The following SUGCT variants were observed in gnomAD, a reference collection of about 807,000 sequenced individuals.
SUGCT encodes succinyl-CoA:glutarate-CoA transferase.
Under a neutral mutation model 55.0 loss-of-function variants are expected in SUGCT, and 41 were observed. The ratio of observed to expected loss-of-function variants is 0.74; its 90% CI spans 0.58 to 0.97. SUGCT has a LOEUF of 0.97. Among genes scored for constraint, SUGCT ranks in the 50% least tolerant of loss-of-function variants. SUGCT has a pLI of 0.00. For missense variants in SUGCT, 568 were observed against 547.8 expected, an observed-to-expected ratio of 1.04 and a Z score of -0.37; for synonymous variants, 187 against 200.4, an observed-to-expected ratio of 0.93 and a Z score of 0.56.
chr7:40,378,848 A>T (rs1340796873), intron 9 of SUGCT, among the ~76,000 whole-genome samples: 1 of 152,186 alleles, frequency 6.6e-6, no homozygotes, highest in Non-Finnish European at 1.5e-5. Context: ...AGCTGATTGA[A>T]ACGCTTTTGT....
intron 8 of SUGCT, among the ~76,000 whole-genome samples, chr7:40,299,032 G>T (rs1794355765): frequency 6.6e-6 from 1 of 152,134 alleles, no homozygotes; most frequent in Non-Finnish European, 1.5e-5. Context: ...TCTAAAGATG[G>T]TATTTCAATT....
chr7:40,212,635 AG>A (rs1787408055), intron 6 of SUGCT, among the ~76,000 whole-genome samples: 1 of 152,088 alleles, frequency 6.6e-6, no homozygotes, highest in Non-Finnish European at 1.5e-5. Flanking sequence ...CCTGGGTTAA[AG>A]CGATTCTCCT....
intron 12 of SUGCT, among the ~76,000 whole-genome samples, chr7:40,564,992 A>G (rs898214374): frequency 6.6e-6 from 1 of 152,244 alleles, no homozygotes; most frequent in Non-Finnish European, 1.5e-5. Flanking sequence ...CCCAGGAAGA[A>G]TGGTAATCCA....
At chr7:40,467,346 A>G (rs191981356) in intron 11 of SUGCT, among the ~76,000 whole-genome samples, 28 of 152,162 alleles carry the variant, frequency 1.8e-4, no homozygotes, top group Middle Eastern at 3.4e-3. Flanking sequence ...ATTTATGGGT[A>G]GCATGAGATA....
chr7:40,598,800 T>C (rs1798153585), intron 12 of SUGCT, among the ~76,000 whole-genome samples: 1 of 152,154 alleles, frequency 6.6e-6, no homozygotes, highest in African/African-American at 2.4e-5. Context: ...ACAGGATCTG[T>C]GTAGATAGTG....
intron 12 of SUGCT, among the ~76,000 whole-genome samples, chr7:40,665,939 A>T (rs763765551): frequency 2.6e-5 from 4 of 152,190 alleles, no homozygotes; most frequent in Non-Finnish European, 5.9e-5. Context: ...GTATATACTT[A>T]TATATGCAGG....
At chr7:40,195,232 T>C (rs565814405) in intron 6 of SUGCT, among the ~76,000 whole-genome samples, 172 bp downstream of exon 6, 2 of 148,852 alleles carry the variant, frequency 1.3e-5, no homozygotes, top group African/African-American at 4.9e-5. Context: ...CTTTTTTTTT[T>C]TTTTTTTTGA....
rs118064760 is a variant in SUGCT at position 40,507,249 on chromosome 7, C to T, written c.1089+10863C>T. Among the ~76,000 whole-genome samples the T allele has an allele frequency of 5.6e-3, 859 of 152,250 alleles. 6 individuals carry two copies. The highest frequency in any genetic ancestry group is 7.7e-3 in the Non-Finnish European group (524 of 68,008). Reference sequence around the variant, plus strand: ...TGCCCAACCAGTTCTGCGAAATGTTCCTCGCCACCCACCTTTTCTACAGTG... The same window carrying T: ...TGCCCAACCAGTTCTGCGAAATGTTTCTCGCCACCCACCTTTTCTACAGTG... On this transcript the variant is annotated intron_variant, in intron 12 of 13. Transcript: ENST00000335693.
chr7:40,846,616 G>T (rs1466327073), intron 13 of SUGCT, among the ~76,000 whole-genome samples: 1 of 152,160 alleles, frequency 6.6e-6, no homozygotes, highest in African/African-American at 2.4e-5. Flanking sequence ...TTTTTCAAAT[G>T]AAAGATAAAT....
intron 12 of SUGCT, among the ~76,000 whole-genome samples, chr7:40,641,695 C>A (rs889378540): frequency 2.6e-5 from 4 of 152,164 alleles, no homozygotes; most frequent in South Asian, 2.1e-4. Context: ...CAGGAAAATT[C>A]AAAAATGTTC....
intron 12 of SUGCT, among the ~76,000 whole-genome samples, chr7:40,691,064 A>G (rs1784677172): frequency 6.6e-6 from 1 of 152,204 alleles, no homozygotes; most frequent in Admixed American, 6.5e-5. Context: ...AGGAAGACTC[A>G]GGAAAAACTG....
intron 10 of SUGCT, among the ~76,000 whole-genome samples, chr7:40,453,780 C>G (rs1176819930): frequency 6.6e-6 from 1 of 152,174 alleles, no homozygotes; most frequent in Non-Finnish European, 1.5e-5. Flanking sequence ...TCCATTATTA[C>G]TGAGCATATG....
At chr7:40,328,700 G>T (rs989939123) in intron 9 of SUGCT, among the ~76,000 whole-genome samples, 1 of 152,030 alleles carries the variant, frequency 6.6e-6, no homozygotes, top group Non-Finnish European at 1.5e-5. Flanking sequence ...GAACAAGAAA[G>T]TGGGTTTTGT....
chr7:40,943,436 C>A, the SUGCT span, among the ~76,000 whole-genome samples: 30 of 110,396 alleles, frequency 2.7e-4, no homozygotes, highest in Non-Finnish European at 4.3e-4. Context: ...CCCCCTCCCC[C>A]CACCCCACAA....
chr7:40,973,274 C>A, the SUGCT span, among the ~76,000 whole-genome samples: 21 of 152,282 alleles, frequency 1.4e-4, no homozygotes, highest in African/African-American at 5.1e-4. Context: ...ATTTTAATGA[C>A]ATTTTCAAGG....
chr7:40,720,653 A>G lies in SUGCT; in HGVS notation c.1090-28781A>G, dbSNP rs75925596. On this transcript the variant is annotated intron_variant, in intron 12 of 13. Transcript: ENST00000335693. ...GAATAAGATTAGTGTAATGTGTTAA[A>G]TATGAAGTTTACTAATAACAGTGTT... Among the ~76,000 whole-genome samples, 537 of 152,320 alleles carry G rather than the reference A, an allele frequency of 3.5e-3. 3 individuals carry two copies. The highest frequency in any genetic ancestry group is 5.5e-3 in the Non-Finnish European group (374 of 68,020).
chr7:40,688,741 G>A (rs1178372351), intron 12 of SUGCT, among the ~76,000 whole-genome samples: 1 of 152,034 alleles, frequency 6.6e-6, no homozygotes, highest in Non-Finnish European at 1.5e-5. Context: ...TTCTCTGCAT[G>A]TTACACATTT....
intron 12 of SUGCT, among the ~76,000 whole-genome samples, chr7:40,610,794 G>T (rs565373748): frequency 1.3e-5 from 2 of 152,298 alleles, no homozygotes; most frequent in Non-Finnish European, 1.5e-5. Flanking sequence ...AGCTTATTAT[G>T]TGTGGCTCCA....
intron 12 of SUGCT, among the ~76,000 whole-genome samples, chr7:40,697,494 C>T (rs1784984718): frequency 6.6e-6 from 1 of 152,052 alleles, no homozygotes; most frequent in Admixed American, 6.6e-5. Flanking sequence ...AAAAATTAGC[C>T]AATTGTTGTG....
Sources: allele counts gnomAD v4.1 joint callset (sites outside exome capture counted in the v4.1 genomes callset), GRCh38; gene constraint gnomAD v4.1.1; transcripts MANE v1.5; gene names NCBI Gene and HGNC (gene_info 2026-07-23, HGNC 2026-07-21).